The following PLCB1 variants were observed in gnomAD, a reference collection of about 807,000 sequenced individuals.
PLCB1 encodes 1-phosphatidylinositol 4,5-bisphosphate phosphodiesterase beta-1.
Under a neutral mutation model 161.8 loss-of-function variants are expected in PLCB1, and 46 were observed. The observed-to-expected ratio is 0.28, with a 90% CI of 0.22 to 0.36. PLCB1 has a LOEUF of 0.36. Among genes scored for constraint, PLCB1 ranks in the 10% least tolerant of loss-of-function variants. The pLI, the probability that PLCB1 is intolerant of heterozygous loss-of-function variation, is 1.00. For missense variants in PLCB1, 1,016 were observed against 1,472.5 expected, an observed-to-expected ratio of 0.69 and a Z score of 5.07; for synonymous variants, 517 against 503.7, an observed-to-expected ratio of 1.03 and a Z score of -0.35.
At chr20:8,727,122 A>G (rs970189502) in intron 16 of PLCB1, among the ~76,000 whole-genome samples, 187 bp from the exon 17 acceptor site, 1 of 152,176 alleles carries the variant, frequency 6.6e-6, no homozygotes, top group Non-Finnish European at 1.5e-5. Context: ...GACAACTAAC[A>G]AGACTCAACT....
At chr20:8,305,056 A>T (rs1339846911) in intron 2 of PLCB1, among the ~76,000 whole-genome samples, 1 of 152,196 alleles carries the variant, frequency 6.6e-6, no homozygotes, top group African/African-American at 2.4e-5. Flanking sequence ...TCCTTTGAAC[A>T]GTCAGCAATC....
intron 2 of PLCB1, among the ~76,000 whole-genome samples, chr20:8,211,526 G>T (rs925770186): frequency 2.6e-5 from 4 of 152,072 alleles, no homozygotes; most frequent in African/African-American, 9.7e-5. Flanking sequence ...GGACTTTTAG[G>T]TTCTCTACAT....
intron 2 of PLCB1, among the ~76,000 whole-genome samples, chr20:8,158,650 G>A (rs2051588045): frequency 6.6e-6 from 1 of 152,148 alleles, no homozygotes; most frequent in Non-Finnish European, 1.5e-5. Flanking sequence ...TTCTGCCTAT[G>A]AGCCTGTAAA....
chr20:8,737,681 C>T (rs757893336), intron 20 of PLCB1, among the ~76,000 whole-genome samples: 1 of 152,186 alleles, frequency 6.6e-6, no homozygotes, highest in African/African-American at 2.4e-5. Flanking sequence ...GGGCCCTTCT[C>T]TTTCTTCACC....
At chr20:8,633,119 C>CAA (rs1568538005) in intron 4 of PLCB1, among the ~76,000 whole-genome samples, 2 of 149,986 alleles carry the variant, frequency 1.3e-5, no homozygotes, top group African/African-American at 5.0e-5. Context: ...CACACACACA[C>CAA]ACACACACAC....
In PLCB1 at chr20:8,159,417, C is replaced by G. The variant is rs181173795; in HGVS notation, c.177+9046C>G. Among the ~76,000 whole-genome samples the G allele has an allele frequency of 2.6e-3, 391 of 152,228 alleles. 1 individual carries two copies. Among genetic ancestry groups the G allele is most frequent in the Non-Finnish European group, 4.4e-3 (297 of 68,000 alleles). ...CAACCCACAAAACCATTTTTTCCTCCTAGGCCTCTGGGCCTATGATGGGAG... is the reference window on the plus strand; with the variant it reads ...CAACCCACAAAACCATTTTTTCCTCGTAGGCCTCTGGGCCTATGATGGGAG... On this transcript the variant is annotated intron_variant, in intron 2 of 31. Coordinates refer to ENST00000338037, the MANE Select transcript of PLCB1 (RefSeq NM_015192.4).
chr20:8,622,908 G>A (rs1464682660), intron 3 of PLCB1, among the ~76,000 whole-genome samples: 1 of 150,596 alleles, frequency 6.6e-6, no homozygotes, highest in African/African-American at 2.4e-5. Flanking sequence ...CTCAGGCAAT[G>A]CAACTTTTTG....
chr20:8,297,085 TAC>T (rs140420212), intron 2 of PLCB1, among the ~76,000 whole-genome samples: 2,044 of 152,162 alleles, frequency 0.013, 29 homozygotes, highest in South Asian at 0.045. Flanking sequence ...CACCTATATA[TAC>T]ATCTGTATAG....
At chr20:8,879,052 G>C (rs1325928318) in intron 31 of PLCB1, among the ~76,000 whole-genome samples, 1 of 152,088 alleles carries the variant, frequency 6.6e-6, no homozygotes, top group Non-Finnish European at 1.5e-5. Context: ...AAGTGAGACT[G>C]TGTGGTATTT....
At chr20:8,789,878 T>C (rs1243429018) in intron 30 of PLCB1, among the ~76,000 whole-genome samples, 4 of 152,188 alleles carry the variant, frequency 2.6e-5, no homozygotes, top group African/African-American at 9.7e-5. Flanking sequence ...ATGATAGAGA[T>C]GATGGCAACC....
intron 31 of PLCB1, among the ~76,000 whole-genome samples, chr20:8,803,217 T>C (rs149941410): frequency 2.6e-5 from 4 of 152,012 alleles, no homozygotes; most frequent in Admixed American, 6.6e-5. Flanking sequence ...CAGACACTTA[T>C]CTAGGATGTC....
chr20:8,239,131 C>T (rs1477833115), intron 2 of PLCB1, among the ~76,000 whole-genome samples: 3 of 151,782 alleles, frequency 2.0e-5, no homozygotes, highest in African/African-American at 2.4e-5. Context: ...CCGGGATGAG[C>T]CCTGGAAAAG....
At chr20:8,774,822 TG>T in intron 27 of PLCB1, 103 bp downstream of exon 27, 1 of 828,370 alleles carries the variant, frequency 1.2e-6, no homozygotes, top group South Asian at 2.1e-5. Flanking sequence ...TGGGTGTGAC[TG>T]GCACCAACTT....
intron 18 of PLCB1, among the ~76,000 whole-genome samples, chr20:8,730,387 T>G (rs902924001): frequency 8.5e-5 from 12 of 141,866 alleles, no homozygotes; most frequent in Non-Finnish European, 1.5e-4. Flanking sequence ...AGATACAGCC[T>G]TTTTCATTGT....
intron 3 of PLCB1, among the ~76,000 whole-genome samples, chr20:8,493,164 A>G (rs1215818231): frequency 6.6e-6 from 1 of 152,088 alleles, no homozygotes. Flanking sequence ...TCAAATGCCT[A>G]TCCCTGCACC....
chr20:8,214,852 G>A (rs113632832), intron 2 of PLCB1, among the ~76,000 whole-genome samples: 49 of 152,174 alleles, frequency 3.2e-4, no homozygotes, highest in African/African-American at 9.9e-4. Flanking sequence ...AAGGATCTAA[G>A]TGCTACTCCT....
chr20:8,387,025 G>A (rs1366756481), intron 3 of PLCB1, among the ~76,000 whole-genome samples: 1 of 152,208 alleles, frequency 6.6e-6, no homozygotes, highest in African/African-American at 2.4e-5. Context: ...ATTGGGGCTG[G>A]TTTGATCTTC....
At chr20:8,425,537 G>A (rs1979727571) in intron 3 of PLCB1, among the ~76,000 whole-genome samples, 2 of 151,828 alleles carry the variant, frequency 1.3e-5, no homozygotes, top group African/African-American at 2.4e-5. Context: ...CTGGGCCCTG[G>A]GTGTTGCTAT....
chr20:8,241,743 C>T (rs1432309214), intron 2 of PLCB1, among the ~76,000 whole-genome samples: 1 of 151,916 alleles, frequency 6.6e-6, no homozygotes, highest in African/African-American at 2.4e-5. Context: ...CTAGCTTTCC[C>T]TACTTCTTTC....
Sources: allele counts gnomAD v4.1 joint callset (sites outside exome capture counted in the v4.1 genomes callset), GRCh38; gene constraint gnomAD v4.1.1; transcripts MANE v1.5; gene names NCBI Gene and HGNC (gene_info 2026-07-23, HGNC 2026-07-21).